The following RYR2 variants were observed in gnomAD, a reference collection of about 807,000 sequenced individuals.
RYR2 encodes cardiac muscle ryanodine receptor-calcium release channel.
Under a neutral mutation model 601.1 loss-of-function variants are expected in RYR2, and 227 were observed. The observed-to-expected ratio is 0.38, with a 90% confidence interval of 0.34 to 0.42. The LOEUF (loss-of-function observed/expected upper bound fraction) is 0.42, where lower values mean the gene tolerates loss of function less well. Ranked by LOEUF, RYR2 falls within the 10% of genes least tolerant of loss-of-function variation. The pLI is 1.00. For missense variants in RYR2, 4,646 were observed against 6,156.5 expected, an observed-to-expected ratio of 0.75 and a Z score of 8.21; for synonymous variants, 2,223 against 2,175.1, an observed-to-expected ratio of 1.02 and a Z score of -0.61.
intron 5 of RYR2, among the ~76,000 whole-genome samples, chr1:237,366,172 G>A (rs933816332): frequency 2.0e-5 from 3 of 152,170 alleles, no homozygotes; most frequent in East Asian, 1.9e-4. Flanking sequence ...TGTTGTGGGA[G>A]CCTATTTCTG....
At position 237,289,515 on chromosome 1, in the gene RYR2, G is replaced by A. The variant is rs768654996; in HGVS notation, c.168+18899G>A. Reference sequence around the variant, plus strand: ...CTTCACATGATGGCAGCAAGGAGAAGTGCTGTGCAAAGAGGGAAAAGGACC... The same window carrying A: ...CTTCACATGATGGCAGCAAGGAGAAATGCTGTGCAAAGAGGGAAAAGGACC... On this transcript the variant is annotated intron_variant, in intron 2 of 104. Transcript: ENST00000366574. 4.6e-5 allele frequency among the ~76,000 whole-genome samples: 7 copies of A among 152,300 alleles called. No homozygotes were observed. In the South Asian group the frequency reaches 1.5e-3, roughly 32 times the overall value.
intron 1 of RYR2, among the ~76,000 whole-genome samples, chr1:237,249,216 A>G (rs1687215615): frequency 6.6e-6 from 1 of 152,130 alleles, no homozygotes; most frequent in Admixed American, 6.5e-5. Context: ...TCCAACCCAA[A>G]TGTAGTTTTT....
At chr1:237,134,612 T>C (rs1672555759) in intron 1 of RYR2, among the ~76,000 whole-genome samples, 1 of 152,122 alleles carries the variant, frequency 6.6e-6, no homozygotes, top group Non-Finnish European at 1.5e-5. Flanking sequence ...CAATTCAAGA[T>C]GAGATTTGGG....
chr1:237,549,489 A>C (rs1670156987), intron 26 of RYR2, among the ~76,000 whole-genome samples: 1 of 152,040 alleles, frequency 6.6e-6, no homozygotes. Context: ...TGGGAGGATC[A>C]CTTGAGCCCA....
chr1:237,362,553 A>G (rs1699865065), intron 4 of RYR2, among the ~76,000 whole-genome samples: 2 of 152,164 alleles, frequency 1.3e-5, no homozygotes, highest in Admixed American at 6.5e-5. Context: ...CTTTTATCAT[A>G]CAGAAGCAGT....
At chr1:237,522,582 A>G (rs185075689) in intron 24 of RYR2, among the ~76,000 whole-genome samples, 1 of 152,288 alleles carries the variant, frequency 6.6e-6, no homozygotes, top group East Asian at 1.9e-4. Context: ...TCCACCGACC[A>G]TATGTTTCAT....
intron 4 of RYR2, among the ~76,000 whole-genome samples, chr1:237,359,583 T>G (rs1699596637): frequency 6.6e-6 from 1 of 152,174 alleles, no homozygotes; most frequent in Non-Finnish European, 1.5e-5. Context: ...TCTGATAACA[T>G]TATTCTGGAT....
intron 100 of RYR2, among the ~76,000 whole-genome samples, chr1:237,812,311 G>A (rs1193353114): frequency 6.6e-6 from 1 of 152,106 alleles, no homozygotes; most frequent in African/African-American, 2.4e-5. Context: ...TAAGGATAAG[G>A]CTTGAGTAAG....
intron 1 of RYR2, among the ~76,000 whole-genome samples, chr1:237,090,947 A>C (rs1052715605): frequency 2.0e-5 from 3 of 152,354 alleles, no homozygotes; most frequent in Middle Eastern, 3.4e-3. Flanking sequence ...AAAATATAGT[A>C]ATTTTGTAAT....
At chr1:237,538,188 G>C (rs187487938) in intron 25 of RYR2, among the ~76,000 whole-genome samples, 284 of 150,980 alleles carry the variant, frequency 1.9e-3, no homozygotes, top group Middle Eastern at 3.4e-3. Flanking sequence ...TCAGGAGTTC[G>C]AGACCAGCCT....
chr1:237,190,611 AAAAT>A (rs1215409264), intron 1 of RYR2, among the ~76,000 whole-genome samples: 6 of 152,248 alleles, frequency 3.9e-5, no homozygotes, highest in Non-Finnish European at 7.3e-5. Flanking sequence ...ACAACAATAA[AAAAT>A]ACAAATAAAA....
At chr1:237,476,270 G>A (rs974502253) in intron 17 of RYR2, among the ~76,000 whole-genome samples, 12 of 152,116 alleles carry the variant, frequency 7.9e-5, no homozygotes. Flanking sequence ...AGCACTTTGG[G>A]AGGCTGAGGT....
rs1316626869 is a variant in RYR2 at position 237,216,719 on chromosome 1, C to T, written c.49-53778C>T. Among the ~76,000 whole-genome samples, 11 of 146,742 alleles carry T rather than the reference C, an allele frequency of 7.5e-5. No individual in the cohort carries two copies. The East Asian group carries it at 8.0e-4, about 11-fold the overall frequency. On this transcript the variant is annotated intron_variant, in intron 1 of 104. Transcript: ENST00000366574. ...CTATTGCACTCCAGCTTGGGCGACA[C>T]GGTAAGACTCCTTTTCTTAAAACAC...
chr1:237,789,785 G>A (rs1658149734), intron 92 of RYR2, among the ~76,000 whole-genome samples: 1 of 152,162 alleles, frequency 6.6e-6, no homozygotes, highest in African/African-American at 2.4e-5. Flanking sequence ...TCGGCTCACC[G>A]ATTTGCATGC....
chr1:237,298,166 C>T (rs1692994789), intron 2 of RYR2, among the ~76,000 whole-genome samples: 2 of 152,116 alleles, frequency 1.3e-5, no homozygotes, highest in African/African-American at 4.8e-5. Context: ...TCTTTGTCAT[C>T]GTCACTCATT....
intron 74 of RYR2, among the ~76,000 whole-genome samples, chr1:237,724,215 A>ATATATATATATATATG (rs1178085578): frequency 7.3e-5 from 9 of 123,118 alleles, no homozygotes; most frequent in South Asian, 2.7e-4. Context: ...ATATATATAT[A>ATATATATATATATATG]TATGTATGTG....
At chr1:237,108,729 A>G (rs1246992882) in intron 1 of RYR2, among the ~76,000 whole-genome samples, 3 of 152,154 alleles carry the variant, frequency 2.0e-5, no homozygotes, top group Non-Finnish European at 4.4e-5. Context: ...CATCTCTTTT[A>G]CACACCCCAG....
At chr1:237,709,217 T>A (rs1403081207) in intron 69 of RYR2, 119 bp downstream of exon 69, 3 of 948,640 alleles carry the variant, frequency 3.2e-6, no homozygotes, top group Non-Finnish European at 4.6e-6. Context: ...TAATTATAAT[T>A]AACTGTTTAT....
At chr1:237,473,431 C>CTTTCTTTCTTTCTT (rs1466932341) in intron 17 of RYR2, among the ~76,000 whole-genome samples, 1,366 of 115,816 alleles carry the variant, frequency 0.012, 42 homozygotes, top group African/African-American at 0.041. Flanking sequence ...CTCTCTCTCT[C>CTTTCTTTCTTTCTT]TCTTTCTTTC....
Sources: gnomAD v4.1 joint callset for allele counts (sites outside exome capture counted in the v4.1 genomes callset) on GRCh38, gnomAD v4.1.1 for gene constraint, MANE v1.5 for transcripts, NCBI Gene and HGNC (gene_info 2026-07-23, HGNC 2026-07-21) for gene names.